Variants in GNL2 observed in about 807,000 individuals in gnomAD.
The protein encoded by GNL2 is nucleolar GTP-binding protein 2.
A neutral mutation model predicts 92.3 loss-of-function variants in GNL2; 51 were observed. The ratio of observed to expected loss-of-function variants is 0.55; its 90% CI spans 0.44 to 0.70. The LOEUF (loss-of-function observed/expected upper bound fraction) is 0.70, where lower values mean the gene tolerates loss of function less well. Ranked by LOEUF, GNL2 falls within the 30% of genes least tolerant of loss-of-function variation. The pLI is 0.00. For missense variants in GNL2, 844 were observed against 895.6 expected (o/e 0.94, Z 0.74); for synonymous variants, 283 against 300.6 (o/e 0.94, Z 0.61).
At chr1:37,588,325 A>T (rs1448973268) in intron 4 of GNL2, among the ~76,000 whole-genome samples, 4 of 152,060 alleles carry the variant, frequency 2.6e-5, no homozygotes, top group African/African-American at 4.8e-5. Flanking sequence ...CTCCTCCGTA[A>T]GCACCACTAC....
chr1:37,581,286 T>C (rs933373078), intron 8 of GNL2: 9 of 450,082 alleles, frequency 2.0e-5, no homozygotes, highest in African/African-American at 1.8e-4. Context: ...GACATGTGTC[T>C]TTTGTTAGAA....
intron 8 of GNL2, among the ~76,000 whole-genome samples, chr1:37,580,244 A>T (rs1643745351): frequency 6.6e-6 from 1 of 152,110 alleles, no homozygotes; most frequent in East Asian, 1.9e-4. Context: ...GGTTACAGTG[A>T]GCTGTGGTTG....
At chr1:37,593,986 T>C (rs1643905816) in intron 1 of GNL2, 140 bp from the exon 2 acceptor site, 1 of 593,192 alleles carries the variant, frequency 1.7e-6, no homozygotes, top group African/African-American at 1.9e-5. Flanking sequence ...TTTCTCCATA[T>C]GTTGCTCCAA....
At position 37,566,978 on chromosome 1, in the gene GNL2, C is replaced by T. The variant is rs1485886908; in HGVS notation, c.2073G>A (p.Pro691=). ...CATAGTAGCGCACACCAACTTTTTT[C>T]GGCCGTTGCTGTCGTACTGCTCGCC... is the stretch of plus-strand genomic sequence containing the variant. The part of the protein sequence containing the change: ...ERRRAVRQQR[P]KKVGVRYYET... Residue 691 remains proline (P), a synonymous_variant, in exon 16 of 16, where the codon CCG becomes CCA. Coordinates refer to ENST00000373062, the MANE Select transcript of GNL2 (RefSeq NM_013285.3). The T allele has an allele frequency of 4.2e-5, 68 of 1,613,708 alleles. No individual in the cohort carries two copies. The highest frequency in any genetic ancestry group is 5.5e-5 in the Non-Finnish European group (65 of 1,179,946).
At position 37,568,896 on chromosome 1, in the gene GNL2, T is replaced by C. The variant is rs781551158; in HGVS notation, c.1823A>G (p.Gln608Arg). The C allele has an allele frequency of 3.7e-6, 6 of 1,614,186 alleles. No individual in the cohort carries two copies. The highest frequency in any genetic ancestry group is 1.6e-4 in the Middle Eastern group (1 of 6,062). ...GGCTTTGGCTTTGTCTAGAAACTTC[T>C]GATATTTGGCAATCTTCTCATCCAG... ...KALDEKIAKY[Q>R]KFLDKAKAKK... The change falls in exon 13 of 16, where the codon CAG (glutamine) becomes CGG (arginine). Residue 608 changes from glutamine to arginine, a missense_variant. Transcript: ENST00000373062.
intron 14 of GNL2, 171 bp from the exon 15 acceptor site, chr1:37,567,935 C>T: frequency 3.3e-6 from 2 of 612,866 alleles, no homozygotes; most frequent in Non-Finnish European, 5.8e-6. Flanking sequence ...AAAAGGATGC[C>T]CTAAGCCATG....
rs769728456 is a variant in GNL2, at chr1:37,566,882, T to C, written c.2169A>G (p.Lys723=). ...KTNDSEGQKH[K]RKKFRQKQ ...ACTGCTTTTGTCTGAATTTTTTGCG[T>C]TTGTGTTTCTGTCCCTCTGAGTCAT... is the stretch of plus-strand genomic sequence containing the variant. The change falls in exon 16 of 16, where the codon AAA becomes AAG. Residue 723 remains lysine, a synonymous_variant. Transcript: ENST00000373062. 1.2e-6 allele frequency: 2 copies of C among 1,613,732 alleles called. No homozygotes were observed. Among genetic ancestry groups the C allele is most frequent in the Non-Finnish European group, 1.7e-6 (2 of 1,179,880 alleles).
intron 4 of GNL2, among the ~76,000 whole-genome samples, chr1:37,588,080 T>C (rs747971109): frequency 2.6e-5 from 4 of 152,200 alleles, no homozygotes. Flanking sequence ...ACGTTTTTAT[T>C]AAATGCACAT....
At chr1:37,582,119 T>C in intron 8 of GNL2, 104 bp downstream of exon 8, 1 of 687,422 alleles carries the variant, frequency 1.5e-6, no homozygotes, top group Non-Finnish European at 2.5e-6. Context: ...CGCAACCACG[T>C]CCGGCTAAGA....
At chr1:37,588,051 A>G (rs917217697) in intron 4 of GNL2, among the ~76,000 whole-genome samples, 24 of 152,126 alleles carry the variant, frequency 1.6e-4, no homozygotes, top group African/African-American at 5.8e-4. Context: ...TTCAGATAAC[A>G]TTTTCCCTAA....
At chr1:37,580,091 A>G (rs538596688) in intron 8 of GNL2, among the ~76,000 whole-genome samples, 1 of 152,298 alleles carries the variant, frequency 6.6e-6, no homozygotes, top group African/African-American at 2.4e-5. Flanking sequence ...TTCAAGACAC[A>G]CCACTGTGAA....
chr1:37,592,201 G>C (rs141416361), intron 3 of GNL2, among the ~76,000 whole-genome samples: 1 of 152,284 alleles, frequency 6.6e-6, no homozygotes, highest in East Asian at 1.9e-4. Flanking sequence ...AATGAGACAG[G>C]GAGTTTTCCA....
chr1:37,577,277 C>T (rs893796838), intron 8 of GNL2, among the ~76,000 whole-genome samples: 14 of 152,194 alleles, frequency 9.2e-5, no homozygotes, highest in South Asian at 4.2e-4. Context: ...TCTGCATTTC[C>T]ACTGCCAAAA....
intron 8 of GNL2, chr1:37,581,488 A>C: frequency 2.2e-6 from 1 of 456,108 alleles, no homozygotes; most frequent in South Asian, 1.5e-5. Flanking sequence ...CTCCATGGGC[A>C]GAGGATGCAC....
intron 8 of GNL2, among the ~76,000 whole-genome samples, chr1:37,580,202 G>A (rs562934525): frequency 6.6e-6 from 1 of 152,268 alleles, no homozygotes; most frequent in South Asian, 2.1e-4. Flanking sequence ...GCCAAAACGA[G>A]GCAGGAGGAT....
chr1:37,592,799 G>T lies in GNL2; in HGVS notation c.157C>A (p.Arg53Ser). Residue 53 changes from arginine to serine, a missense_variant, in exon 3 of 16, where the codon CGT becomes AGT. By Grantham distance (110) the Arg-to-Ser change is moderately radical (BLOSUM62 -1). Coordinates refer to ENST00000373062, the MANE Select transcript of GNL2 (RefSeq NM_013285.3). Reference sequence around the variant, plus strand: ...TGCAGGGGTTTAATTATTTTACCACGACTGTTCCTAAATTGAGGAAAGAAC... The same window carrying T: ...TGCAGGGGTTTAATTATTTTACCACTACTGTTCCTAAATTGAGGAAAGAAC... ...MYRQKERRNS[R>S]GKIIKPLQYQ... 2 of 1,587,320 alleles carry T rather than the reference G, an allele frequency of 1.3e-6. No individual in the cohort carries two copies. The highest frequency in any genetic ancestry group is 2.2e-5 in the South Asian group (2 of 90,476).
chr1:37,571,993 G>A (rs1159245585), intron 12 of GNL2, among the ~76,000 whole-genome samples: 1 of 151,942 alleles, frequency 6.6e-6, no homozygotes, highest in African/African-American at 2.4e-5. Flanking sequence ...GACACACAGA[G>A]CATACTCCTG....
chr1:37,583,925 G>T lies in GNL2; in HGVS notation c.578C>A (p.Ala193Asp), dbSNP rs752857900. The change falls in exon 6 of 16, where the codon GCT becomes GAT. Residue 193 changes from alanine (A) to aspartate (D), a missense_variant. Physicochemically the swap from Ala to Asp is moderately radical, Grantham distance 126. Transcript: ENST00000373062. Reference protein sequence around the residue: ...VTEDTGVRNEAQEEIYKKGQS... With the variant: ...VTEDTGVRNEDQEEIYKKGQS... ...TCCCTTTTTATAGATCTCTTCTTGAGCTTCATTTCTAAATAAGAAAGCACC... is the reference window on the plus strand; with the variant it reads ...TCCCTTTTTATAGATCTCTTCTTGATCTTCATTTCTAAATAAGAAAGCACC... 6 of 1,567,956 alleles carry T rather than the reference G, an allele frequency of 3.8e-6. No homozygotes were observed. The East Asian group carries it at 1.3e-4, about 35-fold the overall frequency.
At chr1:37,567,532 A>T in intron 15 of GNL2, 141 bp downstream of exon 15, 1 of 676,164 alleles carries the variant, frequency 1.5e-6, no homozygotes. Context: ...GCCAGACCCG[A>T]CCCTATTTAT....
Sources: allele counts gnomAD v4.1 joint callset (sites outside exome capture counted in the v4.1 genomes callset), GRCh38; gene constraint gnomAD v4.1.1; transcripts MANE v1.5; gene names NCBI Gene and HGNC (gene_info 2026-07-23, HGNC 2026-07-21).